The following PAPPA2 variants were observed in gnomAD, a reference collection of about 807,000 sequenced individuals.
PAPPA2 encodes pappalysin-2.
A neutral mutation model predicts 176.4 loss-of-function variants in PAPPA2; 86 were observed. That is an observed-to-expected ratio of 0.49 (90% CI 0.41 to 0.58). The LOEUF (loss-of-function observed/expected upper bound fraction) is 0.58. Among genes scored for constraint, PAPPA2 ranks in the 20% least tolerant of loss-of-function variants. The probability of loss-of-function intolerance (pLI) is 0.00; values close to 1 mark genes in which losing one functional copy is unlikely to be tolerated. For synonymous variants in PAPPA2, 809 were observed against 852.2 expected (o/e 0.95, Z 0.88); for missense variants, 2,073 against 2,256.9 (o/e 0.92, Z 1.65).
chr1:176,661,545 C>T (rs562750121), intron 3 of PAPPA2, among the ~76,000 whole-genome samples: 5 of 150,118 alleles, frequency 3.3e-5, no homozygotes, highest in African/African-American at 1.2e-4. Context: ...CCTACTAGAT[C>T]CACACCAGCA....
chr1:176,657,202 A>C (rs1464482581), intron 3 of PAPPA2, among the ~76,000 whole-genome samples: 1 of 151,950 alleles, frequency 6.6e-6, no homozygotes, highest in Non-Finnish European at 1.5e-5. Flanking sequence ...CCCAGAATTG[A>C]CATCTATACC....
intron 21 of PAPPA2, among the ~76,000 whole-genome samples, chr1:176,803,818 T>G (rs1293630556): frequency 6.6e-6 from 1 of 152,214 alleles, no homozygotes. Flanking sequence ...AGGTAGTAAA[T>G]AAGTCTTTGT....
chr1:176,495,320 C>T (rs1200848932), intron 1 of PAPPA2, among the ~76,000 whole-genome samples: 1 of 152,094 alleles, frequency 6.6e-6, no homozygotes, highest in African/African-American at 2.4e-5. Flanking sequence ...GCAGGCGAAT[C>T]ACCTAAGGTC....
At chr1:176,752,933 A>G (rs1298752666) in intron 14 of PAPPA2, among the ~76,000 whole-genome samples, 1 of 152,250 alleles carries the variant, frequency 6.6e-6, no homozygotes, top group Non-Finnish European at 1.5e-5. Context: ...AATCTGAATC[A>G]TTAAGTCCAG....
chr1:176,537,021 A>G (rs1558422782), intron 1 of PAPPA2, among the ~76,000 whole-genome samples: 1 of 152,242 alleles, frequency 6.6e-6, no homozygotes, highest in East Asian at 1.9e-4. Context: ...TTCTGTGTGA[A>G]CCTTAGTTAT....
chr1:176,670,025 C>G (rs1335393911), intron 3 of PAPPA2, among the ~76,000 whole-genome samples: 1 of 152,122 alleles, frequency 6.6e-6, no homozygotes, highest in East Asian at 1.9e-4. Flanking sequence ...GAATGGCAGA[C>G]CACGGCCACT....
At chr1:176,758,264 C>T (rs1336193946) in intron 14 of PAPPA2, among the ~76,000 whole-genome samples, 1 of 152,168 alleles carries the variant, frequency 6.6e-6, no homozygotes, top group Non-Finnish European at 1.5e-5. Flanking sequence ...CATTGGTCCT[C>T]CCAAGAAGGA....
chr1:176,608,574 A>G (rs576708463), intron 3 of PAPPA2, among the ~76,000 whole-genome samples: 1 of 152,294 alleles, frequency 6.6e-6, no homozygotes, highest in East Asian at 1.9e-4. Flanking sequence ...GTACCTCTTG[A>G]TAAAGTGGGC....
chr1:176,597,132 G>A (rs993783117), intron 3 of PAPPA2, among the ~76,000 whole-genome samples: 2 of 152,222 alleles, frequency 1.3e-5, no homozygotes, highest in East Asian at 1.9e-4. Flanking sequence ...ATCAAAAATC[G>A]AGAATACAAT....
intron 17 of PAPPA2, among the ~76,000 whole-genome samples, chr1:176,785,551 T>C (rs1355535743): frequency 6.6e-6 from 1 of 152,144 alleles, no homozygotes; most frequent in Non-Finnish European, 1.5e-5. Context: ...CAGAATTTCC[T>C]AGGGAATTGG....
At chr1:176,676,013 A>G (rs939624561) in intron 4 of PAPPA2, among the ~76,000 whole-genome samples, 1 of 152,088 alleles carries the variant, frequency 6.6e-6, no homozygotes, top group Non-Finnish European at 1.5e-5. Flanking sequence ...AGAAGTGCAA[A>G]TGAAACCACA....
chr1:176,710,435 A>G (rs1661092596), intron 11 of PAPPA2, among the ~76,000 whole-genome samples: 1 of 152,206 alleles, frequency 6.6e-6, no homozygotes, highest in African/African-American at 2.4e-5. Flanking sequence ...TCAGTGGTTT[A>G]CTACAATGAT....
chr1:176,529,219 G>T (rs962684948), intron 1 of PAPPA2, among the ~76,000 whole-genome samples: 6 of 152,070 alleles, frequency 3.9e-5, no homozygotes, highest in African/African-American at 1.2e-4. Context: ...AGGAAAATCA[G>T]GTGGGAAAAA....
At chr1:176,609,501 A>G (rs1329807036) in intron 3 of PAPPA2, among the ~76,000 whole-genome samples, 1 of 152,236 alleles carries the variant, frequency 6.6e-6, no homozygotes, top group Non-Finnish European at 1.5e-5. Flanking sequence ...AAGTGTATCC[A>G]TAGAAAGTCT....
At chr1:176,616,507 C>G in intron 3 of PAPPA2, 1 of 1,008,218 alleles carries the variant, frequency 9.9e-7, no homozygotes. Flanking sequence ...CAACCAGGTT[C>G]TTCACAAAAC....
chr1:176,686,988 G>A (rs1659868343), intron 4 of PAPPA2, among the ~76,000 whole-genome samples: 1 of 152,128 alleles, frequency 6.6e-6, no homozygotes, highest in African/African-American at 2.4e-5. Flanking sequence ...AGAGGTCTAG[G>A]ACCTTGGGAT....
intron 12 of PAPPA2, among the ~76,000 whole-genome samples, chr1:176,724,821 C>A (rs1197335080): frequency 6.6e-6 from 1 of 152,188 alleles, no homozygotes; most frequent in Non-Finnish European, 1.5e-5. Flanking sequence ...TATTCTATTA[C>A]TGATATTTTA....
At chr1:176,764,071 C>G (rs1276753923) in intron 14 of PAPPA2, among the ~76,000 whole-genome samples, 1 of 152,152 alleles carries the variant, frequency 6.6e-6, no homozygotes, top group African/African-American at 2.4e-5. Flanking sequence ...ACAATCCACT[C>G]TCATGGGAAC....
chr1:176,783,293 C>T (rs1008928840), intron 17 of PAPPA2, among the ~76,000 whole-genome samples: 14 of 152,126 alleles, frequency 9.2e-5, no homozygotes, highest in African/African-American at 3.4e-4. Flanking sequence ...GACATCAGGT[C>T]CCCTTGGTCA....
Sources: gnomAD v4.1 joint callset for allele counts (sites outside exome capture counted in the v4.1 genomes callset) on GRCh38, gnomAD v4.1.1 for gene constraint, MANE v1.5 for transcripts, NCBI Gene and HGNC (gene_info 2026-07-23, HGNC 2026-07-21) for gene names.